The following CNTN3 variants were observed in gnomAD, a reference collection of about 807,000 sequenced individuals.
CNTN3 encodes the protein contactin 3.
In CNTN3, 60 loss-of-function variants were observed where a neutral mutation model predicts 119.1. The ratio of observed to expected loss-of-function variants is 0.50; its 90% CI spans 0.41 to 0.62. The LOEUF (loss-of-function observed/expected upper bound fraction) is 0.62, where lower values mean the gene tolerates loss of function less well. CNTN3 is among the 20% of genes least tolerant of loss of function. The probability of loss-of-function intolerance (pLI) is 0.00; values close to 1 mark genes in which losing one functional copy is unlikely to be tolerated. For synonymous variants in CNTN3, 450 were observed against 438.7 expected, an observed-to-expected ratio of 1.03 and a Z score of -0.32; for missense variants, 1,101 against 1,242.4, an observed-to-expected ratio of 0.89 and a Z score of 1.71.
chr3:74,381,447 C>A (rs1232233554), intron 5 of CNTN3, among the ~76,000 whole-genome samples: 1 of 152,046 alleles, frequency 6.6e-6, no homozygotes, highest in Non-Finnish European at 1.5e-5. Context: ...CCCTTCAAAC[C>A]AGTAGGTCTC....
chr3:74,555,023 C>A (rs917079721), intron 1 of CNTN3, among the ~76,000 whole-genome samples: 1 of 152,196 alleles, frequency 6.6e-6, no homozygotes, highest in African/African-American at 2.4e-5. Flanking sequence ...AGTTATTGCC[C>A]ATCCAGTATG....
intron 13 of CNTN3, among the ~76,000 whole-genome samples, chr3:74,310,970 T>A (rs1702671663): frequency 6.6e-6 from 1 of 152,192 alleles, no homozygotes; most frequent in South Asian, 2.1e-4. Flanking sequence ...TCTTACAAGA[T>A]CTGAGGGAGA....
At chr3:74,545,117 A>C (rs925116126) in intron 1 of CNTN3, among the ~76,000 whole-genome samples, 1 of 152,176 alleles carries the variant, frequency 6.6e-6, no homozygotes, top group Admixed American at 6.5e-5. Context: ...TGTTTCAAAT[A>C]CCCTTTGGTA....
rs764510749 is a variant in CNTN3, at chr3:74,295,144, T to C, written c.2494A>G (p.Asn832Asp). The change falls in exon 19 of 23, where the codon AAT (asparagine) becomes GAT (aspartate). Residue 832 changes from asparagine (N) to aspartate (D), a missense_variant. By Grantham distance (23) the Asn-to-Asp change is conservative. Transcript: ENST00000263665. ...ACCTCATAGCCCAGTAAATGTCCAT[T>C]GCTCAACTTCCAAGGAATGGTGTTC... ...SWNTIPWKLS[N>D]GHLLGYEVRY... The C allele has an allele frequency of 1.1e-5, 17 of 1,611,184 alleles. No individual in the cohort carries two copies. The highest frequency in any genetic ancestry group is 2.7e-5 in the African/African-American group (2 of 74,900).
chr3:74,593,819 C>T (rs1044038758), intron 1 of CNTN3, among the ~76,000 whole-genome samples: 3 of 151,898 alleles, frequency 2.0e-5, no homozygotes, highest in Non-Finnish European at 4.4e-5. Context: ...GTGAGAAATG[C>T]CTCACGGACT....
intron 4 of CNTN3, among the ~76,000 whole-genome samples, chr3:74,464,465 T>C (rs1255784529): frequency 1.3e-5 from 2 of 152,132 alleles, no homozygotes; most frequent in South Asian, 2.1e-4. Flanking sequence ...TGGCATGAGA[T>C]GGGCAGAAGG....
chr3:74,590,665 A>C (rs1433585234), intron 1 of CNTN3, among the ~76,000 whole-genome samples: 2 of 152,028 alleles, frequency 1.3e-5, no homozygotes, highest in African/African-American at 4.8e-5. Context: ...CTTTCAAGTG[A>C]TGGTCATATG....
chr3:74,557,173 C>T (rs1314112605), intron 1 of CNTN3, among the ~76,000 whole-genome samples: 1 of 152,030 alleles, frequency 6.6e-6, no homozygotes, highest in Non-Finnish European at 1.5e-5. Context: ...TCTTTTGTCA[C>T]TTGGGGTTTT....
At chr3:74,600,054 C>G (rs906660219) in intron 1 of CNTN3, among the ~76,000 whole-genome samples, 3 of 151,882 alleles carry the variant, frequency 2.0e-5, no homozygotes, top group Non-Finnish European at 4.4e-5. Context: ...TTATTTATCT[C>G]CATGTTTCTC....
At chr3:74,426,616 C>G (rs567880869) in intron 4 of CNTN3, among the ~76,000 whole-genome samples, 20 of 152,270 alleles carry the variant, frequency 1.3e-4, no homozygotes, top group African/African-American at 4.6e-4. Flanking sequence ...GCAAAACTCT[C>G]TTGTGTGTGC....
rs762678277 is a variant in CNTN3, at chr3:74,336,538, A to C, written c.1485T>G (p.Val495=). ...TTTTAGAAATGGACCTACCCGTAAC[A>C]ACCAAATGTGTTGTGCCATTTGCTT... ...FGKANGTTHL[V]VTEPTRITLA... Residue 495 remains valine (V), a synonymous_variant, in exon 12 of 23, where the codon GTT becomes GTG. Transcript: ENST00000263665. 1 of 1,612,226 alleles carries C rather than the reference A, an allele frequency of 6.2e-7. No homozygotes were observed. The highest frequency in any genetic ancestry group is 8.5e-7 in the Non-Finnish European group (1 of 1,178,728).
Position 74,602,518 on chromosome 3 carries a change from T to G in CNTN3, c.-81+11873A>C, listed in dbSNP as rs544345158. Among the ~76,000 whole-genome samples, 3 of 152,018 alleles carry G rather than the reference T, an allele frequency of 2.0e-5. No homozygotes were observed. The South Asian group carries it at 6.2e-4, about 32-fold the overall frequency. ...AAATATTCATTATTCACTCTCAGCT[T>G]TAGTGGTTTGGTTTAGTTTTTTGTA... On this transcript the variant is annotated intron_variant, in intron 1 of 22. Coordinates refer to ENST00000263665, the MANE Select transcript of CNTN3 (RefSeq NM_020872.3).
intron 2 of CNTN3, among the ~76,000 whole-genome samples, chr3:74,510,962 T>G (rs1424252695): frequency 6.6e-6 from 1 of 152,084 alleles, no homozygotes; most frequent in African/African-American, 2.4e-5. Flanking sequence ...TTCAAGTTTT[T>G]GCAAATCACA....
At chr3:74,470,695 G>A (rs1004792865) in intron 4 of CNTN3, among the ~76,000 whole-genome samples, 4 of 152,128 alleles carry the variant, frequency 2.6e-5, no homozygotes, top group Non-Finnish European at 4.4e-5. Flanking sequence ...TGCAGAGGAT[G>A]TCATTAAATC....
chr3:74,477,870 A>T (rs956606561), intron 4 of CNTN3, among the ~76,000 whole-genome samples: 4 of 152,098 alleles, frequency 2.6e-5, no homozygotes, highest in Non-Finnish European at 5.9e-5. Flanking sequence ...AAAAAAACAC[A>T]GATCTCAAAG....
At chr3:74,551,829 T>C (rs1055178021) in intron 1 of CNTN3, among the ~76,000 whole-genome samples, 3 of 140,454 alleles carry the variant, frequency 2.1e-5, no homozygotes, top group African/African-American at 8.1e-5. Context: ...AGTGGCGCGA[T>C]CTCGGTGCAC....
intron 2 of CNTN3, among the ~76,000 whole-genome samples, chr3:74,511,391 C>A (rs1431697977): frequency 1.3e-5 from 2 of 152,114 alleles, no homozygotes; most frequent in Non-Finnish European, 2.9e-5. Context: ...TGTCATTCTT[C>A]CTCCTGGAAT....
intron 1 of CNTN3, among the ~76,000 whole-genome samples, chr3:74,560,795 C>A (rs1412739122): frequency 6.6e-6 from 1 of 151,872 alleles, no homozygotes; most frequent in Non-Finnish European, 1.5e-5. Flanking sequence ...CAATGATAGA[C>A]TGGATTAAGA....
At chr3:74,389,660 G>A (rs1704844342) in intron 5 of CNTN3, among the ~76,000 whole-genome samples, 1 of 152,066 alleles carries the variant, frequency 6.6e-6, no homozygotes, top group African/African-American at 2.4e-5. Flanking sequence ...TTACTGATGA[G>A]AGCATTGAGG....
Sources: gnomAD v4.1 joint callset for allele counts (sites outside exome capture counted in the v4.1 genomes callset) on GRCh38, gnomAD v4.1.1 for gene constraint, MANE v1.5 for transcripts, NCBI Gene and HGNC (gene_info 2026-07-23, HGNC 2026-07-21) for gene names.